Variants in RBM6 observed in about 807,000 individuals in gnomAD.
The protein encoded by RBM6 is RNA-binding protein 6.
Under a neutral mutation model 140.4 loss-of-function variants are expected in RBM6, and 23 were observed. The ratio of observed to expected loss-of-function variants is 0.16; its 90% confidence interval spans 0.12 to 0.23. The LOEUF is 0.23. Ranked by LOEUF, RBM6 falls within the 10% of genes least tolerant of loss-of-function variation. RBM6 has a pLI of 1.00. For missense variants in RBM6, 1,139 were observed against 1,386.7 expected, an observed-to-expected ratio of 0.82 and a Z score of 2.84; for synonymous variants, 439 against 475.6, an observed-to-expected ratio of 0.92 and a Z score of 1.00.
intron 6 of RBM6, among the ~76,000 whole-genome samples, chr3:50,025,926 T>A (rs887168650): frequency 7.9e-5 from 12 of 152,170 alleles, no homozygotes; most frequent in Admixed American, 5.2e-4. Context: ...AAACCCCATC[T>A]CTACTAGAAA....
intron 18 of RBM6, among the ~76,000 whole-genome samples, chr3:50,069,002 A>T (rs1467843004): frequency 1.3e-5 from 2 of 152,238 alleles, no homozygotes; most frequent in African/African-American, 4.8e-5. Flanking sequence ...TAGGGTCTCT[A>T]GGTAGATAAC....
At chr3:50,016,458 G>C (rs777757560) in intron 6 of RBM6, among the ~76,000 whole-genome samples, 28 of 151,754 alleles carry the variant, frequency 1.8e-4, no homozygotes, top group South Asian at 1.0e-3. Context: ...GATATATACT[G>C]TACCCAAAAG....
intron 4 of RBM6, among the ~76,000 whole-genome samples, chr3:49,974,944 C>T (rs1303212565): frequency 6.6e-6 from 1 of 151,922 alleles, no homozygotes; most frequent in Admixed American, 6.6e-5. Flanking sequence ...GCCTTGGATT[C>T]CCAAAGTGCT....
Position 50,068,700 on chromosome 3 carries a change from A to C in RBM6, c.2954A>C (p.Glu985Ala), listed in dbSNP as rs767751715. 6.2e-7 allele frequency: 1 copy of C among 1,614,142 alleles called. No homozygotes were observed. The highest frequency in any genetic ancestry group is 8.5e-7 in the Non-Finnish European group (1 of 1,179,986). ...TGCCTCTCTTCTCAGCAAAACCTGGAAATCCACCGGAAGATAAAACAGTCT... is the reference window on the plus strand; with the variant it reads ...TGCCTCTCTTCTCAGCAAAACCTGGCAATCCACCGGAAGATAAAACAGTCT... ...QLSDLHKQNL[E>A]IHRKIKQSEQ... The change falls in exon 18 of 21, where the codon GAA becomes GCA. Residue 985 changes from glutamate (E) to alanine (A), a missense_variant. By Grantham distance (107) the Glu-to-Ala change is moderately radical. Around this residue, in one of 9 missense-constraint regions of RBM6, gnomAD observed 40 missense variants for 80.1 expected, o/e 0.50. Transcript: ENST00000266022.
At chr3:49,979,654 T>C (rs2085216009) in intron 5 of RBM6, among the ~76,000 whole-genome samples, 1 of 152,158 alleles carries the variant, frequency 6.6e-6, no homozygotes, top group East Asian at 1.9e-4. Flanking sequence ...TTGGCCAGGC[T>C]GGTCTTGAAC....
At position 49,999,476 on chromosome 3, in the gene RBM6, T is replaced by A; in HGVS notation, c.1520T>A (p.Leu507His). The change falls in exon 6 of 21, where the codon CTC (leucine) becomes CAC (histidine). Residue 507 changes from leucine to histidine, a missense_variant. Leu to His is a moderately conservative substitution (Grantham distance 99). This residue lies in a region of RBM6 where 58 missense variants were observed against 99.7 expected (regional missense o/e 0.58). Transcript: ENST00000266022. ...GGCTATGTCTGCGTGGAGTTTTCAC[T>A]CTTGGAAGATGCCATCGGATGCATG... is the stretch of plus-strand genomic sequence containing the variant. ...DYGYVCVEFS[L>H]LEDAIGCMEA... 3 of 1,614,014 alleles carry A rather than the reference T, an allele frequency of 1.9e-6. No homozygotes were observed. Among genetic ancestry groups the A allele is most frequent in the Non-Finnish European group, 2.5e-6 (3 of 1,179,946 alleles).
chr3:49,952,773 C>T (rs1341409084), intron 1 of RBM6, among the ~76,000 whole-genome samples: 1 of 152,200 alleles, frequency 6.6e-6, no homozygotes, highest in African/African-American at 2.4e-5. Context: ...GTTGGGATTA[C>T]AGGCGTGTGC....
intron 6 of RBM6, among the ~76,000 whole-genome samples, chr3:50,023,021 C>A (rs1489972413): frequency 6.6e-6 from 1 of 152,124 alleles, no homozygotes; most frequent in African/African-American, 2.4e-5. Context: ...ATAGCTTGAG[C>A]CCAAGAGGTT....
chr3:50,058,865 G>C (rs992518972), intron 10 of RBM6: 1 of 186,870 alleles, frequency 5.4e-6, no homozygotes, highest in Non-Finnish European at 1.1e-5. Flanking sequence ...GCAGTGAGCC[G>C]AGATCGCGCC....
At chr3:49,997,515 G>C (rs1359091096) in intron 5 of RBM6, among the ~76,000 whole-genome samples, 1 of 152,136 alleles carries the variant, frequency 6.6e-6, no homozygotes, top group African/African-American at 2.4e-5. Flanking sequence ...GCCAGTTTTA[G>C]TATTAGTTCT....
intron 6 of RBM6, among the ~76,000 whole-genome samples, chr3:50,013,646 G>A (rs1234699339): frequency 1.3e-5 from 2 of 152,054 alleles, no homozygotes; most frequent in South Asian, 2.1e-4. Context: ...CCAGCCTGGC[G>A]ACAGCGAGGC....
intron 6 of RBM6, among the ~76,000 whole-genome samples, chr3:50,046,281 A>G (rs1290693526): frequency 7.4e-6 from 1 of 134,970 alleles, no homozygotes; most frequent in Admixed American, 7.4e-5. Flanking sequence ...ACTCTGTCTC[A>G]AAAAAAAAAA....
chr3:49,950,008 C>T (rs998936532), intron 1 of RBM6, among the ~76,000 whole-genome samples: 1 of 152,120 alleles, frequency 6.6e-6, no homozygotes, highest in Admixed American at 6.6e-5. Context: ...CAGGCATGAG[C>T]CACTGGCCCA....
chr3:49,991,974 C>T (rs2085847900), intron 5 of RBM6, among the ~76,000 whole-genome samples: 1 of 141,964 alleles, frequency 7.0e-6, no homozygotes, highest in Admixed American at 6.9e-5. Context: ...TTTTTTGAGG[C>T]AGAGTCTTGC....
At chr3:50,058,709 T>C in intron 10 of RBM6, 147 bp downstream of exon 10, 2 of 730,272 alleles carry the variant, frequency 2.7e-6, no homozygotes, top group South Asian at 3.7e-5. Context: ...GGTCAGGAAA[T>C]CAAGACCATC....
At chr3:50,070,674 A>C in intron 19 of RBM6, 122 bp downstream of exon 19, 2 of 715,850 alleles carry the variant, frequency 2.8e-6, no homozygotes, top group Admixed American at 4.9e-5. Context: ...TTCTGTCTGA[A>C]CTGCTAAAAC....
At chr3:50,072,083 CAAAAAA>C (rs974465674) in intron 19 of RBM6, among the ~76,000 whole-genome samples, 2 of 41,460 alleles carry the variant, frequency 4.8e-5, no homozygotes, top group Non-Finnish European at 9.5e-5. Context: ...GACTCTGTCT[CAAAAAA>C]AAAAAAAAAA....
At chr3:50,007,140 T>C (rs576977557) in intron 6 of RBM6, among the ~76,000 whole-genome samples, 1 of 151,960 alleles carries the variant, frequency 6.6e-6, no homozygotes, top group Non-Finnish European at 1.5e-5. Flanking sequence ...ATTTAGCCTG[T>C]TGATTGATAC....
At chr3:49,973,984 G>A (rs1037449331) in intron 4 of RBM6, among the ~76,000 whole-genome samples, 3 of 151,744 alleles carry the variant, frequency 2.0e-5, no homozygotes, top group South Asian at 2.1e-4. Context: ...TGCAACCTCC[G>A]CCTCTCGGGT....
Sources: allele counts gnomAD v4.1 joint callset (sites outside exome capture counted in the v4.1 genomes callset), GRCh38; gene constraint gnomAD v4.1.1; regional missense constraint gnomAD v4.1.1; transcripts MANE v1.5; gene names NCBI Gene and HGNC (gene_info 2026-07-23, HGNC 2026-07-21).